CHN2: variants seen among roughly 807,000 people sequenced by gnomAD.
CHN2 encodes chimerin 2, also known as beta-chimaerin.
Under a neutral mutation model 56.3 loss-of-function variants are expected in CHN2, and 35 were observed. The ratio of observed to expected loss-of-function variants is 0.62; its 90% CI spans 0.47 to 0.82. The LOEUF (loss-of-function observed/expected upper bound fraction) is 0.82, where lower values mean the gene tolerates loss of function less well. Among genes scored for constraint, CHN2 ranks in the 40% least tolerant of loss-of-function variants. The pLI, the probability that CHN2 is intolerant of heterozygous loss-of-function variation, is 0.00. For missense variants in CHN2, 491 were observed against 580.5 expected (o/e 0.85, Z 1.58); for synonymous variants, 210 against 212.8 (o/e 0.99, Z 0.12).
At chr7:29,485,511 G>T (rs1490913017) in intron 7 of CHN2, among the ~76,000 whole-genome samples, 1 of 152,210 alleles carries the variant, frequency 6.6e-6, no homozygotes, top group Non-Finnish European at 1.5e-5. Context: ...GTAAGAGACA[G>T]TGTGGTTGTT....
intron 1 of CHN2, among the ~76,000 whole-genome samples, chr7:29,283,389 C>A (rs1323102203): frequency 6.6e-6 from 1 of 152,132 alleles, no homozygotes; most frequent in Non-Finnish European, 1.5e-5. Context: ...AGTTTCCCCT[C>A]GGTTGGTATA....
At chr7:29,500,108 C>T (rs1348487822) in intron 9 of CHN2, 68 bp downstream of exon 9, 5 of 1,262,606 alleles carry the variant, frequency 4.0e-6, no homozygotes, top group Non-Finnish European at 5.3e-6. Context: ...TTACTGTTGT[C>T]AAGGAAACAG....
intron 6 of CHN2, among the ~76,000 whole-genome samples, chr7:29,423,504 C>A (rs1804547303): frequency 6.6e-6 from 1 of 152,228 alleles, no homozygotes; most frequent in Non-Finnish European, 1.5e-5. Flanking sequence ...TGCCATACCT[C>A]CCCCTGCCCA....
chr7:29,223,026 C>T (rs929203196), intron 1 of CHN2, among the ~76,000 whole-genome samples: 1 of 152,038 alleles, frequency 6.6e-6, no homozygotes, highest in Admixed American at 6.6e-5. Flanking sequence ...ACACTCAACC[C>T]AATTAAAATT....
At chr7:29,432,751 G>A (rs17157974) in intron 6 of CHN2, among the ~76,000 whole-genome samples, 3,955 of 152,228 alleles carry the variant, frequency 0.026, 51 homozygotes, top group South Asian at 0.056. Flanking sequence ...CTAGCTATGC[G>A]TCACGGGTAA....
rs544685759 is a variant in CHN2 at position 29,216,402 on chromosome 7, G to C, written c.49+21412G>C. 5.9e-5 allele frequency among the ~76,000 whole-genome samples: 9 copies of C among 152,238 alleles called. No individual in the cohort carries two copies. In the South Asian group the frequency reaches 1.9e-3, roughly 32 times the overall value. ...TATCAAGTGCTGTCTCTTCCTAATGGGCAAGTGTGCCCATTTTGAAACCCA... is the reference window on the plus strand; with the variant it reads ...TATCAAGTGCTGTCTCTTCCTAATGCGCAAGTGTGCCCATTTTGAAACCCA... On this transcript the variant is annotated intron_variant, in intron 1 of 12. Coordinates refer to ENST00000222792, the MANE Select transcript of CHN2 (RefSeq NM_004067.4).
chr7:29,246,071 A>G (rs1189685897), intron 1 of CHN2, among the ~76,000 whole-genome samples: 1 of 152,208 alleles, frequency 6.6e-6, no homozygotes, highest in African/African-American at 2.4e-5. Flanking sequence ...GCAAACATCC[A>G]TAGAGCACTT....
At chr7:29,423,765 C>T (rs1402624056) in intron 6 of CHN2, among the ~76,000 whole-genome samples, 1 of 152,234 alleles carries the variant, frequency 6.6e-6, no homozygotes, top group Non-Finnish European at 1.5e-5. Context: ...TCCCCCTGGG[C>T]TTACGTCTCC....
At chr7:29,296,138 C>T (rs1035272008) in intron 1 of CHN2, among the ~76,000 whole-genome samples, 4 of 150,842 alleles carry the variant, frequency 2.7e-5, no homozygotes, top group African/African-American at 9.8e-5. Flanking sequence ...GGCTGGAGTG[C>T]AGTGGCGTGA....
At chr7:29,454,668 T>C (rs998870824) in intron 6 of CHN2, among the ~76,000 whole-genome samples, 3 of 152,192 alleles carry the variant, frequency 2.0e-5, no homozygotes, top group African/African-American at 7.2e-5. Context: ...GTGACCCTGC[T>C]GCTTCTGCCC....
Position 29,223,903 on chromosome 7 carries a change from G to C in CHN2, c.49+28913G>C, listed in dbSNP as rs138279460. On this transcript the variant is annotated intron_variant, in intron 1 of 12. Transcript: ENST00000222792. Reference sequence around the variant, plus strand: ...AGTGAACAAAAATTTTAGTTGCGATGTATTGACACCATACCCATGCACCAT... The same window carrying C: ...AGTGAACAAAAATTTTAGTTGCGATCTATTGACACCATACCCATGCACCAT... 1.5e-3 allele frequency among the ~76,000 whole-genome samples: 233 copies of C among 152,268 alleles called. 1 individual carries two copies. Among genetic ancestry groups the C allele is most frequent in the African/African-American group, 5.2e-3 (218 of 41,558 alleles).
At chr7:29,472,378 G>C (rs1786176582) in intron 6 of CHN2, among the ~76,000 whole-genome samples, 1 of 148,922 alleles carries the variant, frequency 6.7e-6, no homozygotes, top group African/African-American at 2.4e-5. Flanking sequence ...AAGTATTTTA[G>C]TGTGACCCAC....
chr7:29,503,666 G>T (rs575694280), intron 9 of CHN2, among the ~76,000 whole-genome samples: 1 of 152,304 alleles, frequency 6.6e-6, no homozygotes, highest in Non-Finnish European at 1.5e-5. Flanking sequence ...CCACGTATTT[G>T]TTGTCTCTGA....
At chr7:29,155,927 T>C (rs1428139991) in intron 2 of CHN2, among the ~76,000 whole-genome samples, 1 of 152,214 alleles carries the variant, frequency 6.6e-6, no homozygotes, top group Non-Finnish European at 1.5e-5. Context: ...CCTGAGCCGA[T>C]AGATCTAGAG....
At chr7:29,466,940 C>T (rs1387383716) in intron 6 of CHN2, among the ~76,000 whole-genome samples, 1 of 152,078 alleles carries the variant, frequency 6.6e-6, no homozygotes, top group Non-Finnish European at 1.5e-5. Flanking sequence ...AAAAGGTAGA[C>T]ATTGGTCTGT....
rs540578431 is a variant in CHN2 at position 29,413,147 on chromosome 7, C to T, written c.576+12319C>T. 4.6e-5 allele frequency among the ~76,000 whole-genome samples: 7 copies of T among 152,244 alleles called. No individual in the cohort carries two copies. In the East Asian group the frequency reaches 5.8e-4, roughly 13 times the overall value. ...TTATACACAATCACTTTGAAGTTCCCGCAAAGTTAATATTTCACTTTGTTC... is the reference window on the plus strand; with the variant it reads ...TTATACACAATCACTTTGAAGTTCCTGCAAAGTTAATATTTCACTTTGTTC... On this transcript the variant is annotated intron_variant, in intron 6 of 12. Transcript: ENST00000222792.
intron 1 of CHN2, among the ~76,000 whole-genome samples, chr7:29,216,535 G>A (rs186021056): frequency 2.4e-4 from 37 of 152,164 alleles, no homozygotes; most frequent in East Asian, 1.9e-4. Context: ...TTATCATTCC[G>A]CCAAGGTTTT....
At position 29,210,783 on chromosome 7, in the gene CHN2, T is replaced by C. The variant is rs1175429763; in HGVS notation, c.49+15793T>C. 2.6e-5 allele frequency among the ~76,000 whole-genome samples: 4 copies of C among 152,068 alleles called. No individual in the cohort carries two copies. The East Asian group carries it at 7.7e-4, about 29-fold the overall frequency. On this transcript the variant is annotated intron_variant, in intron 1 of 12. Coordinates refer to ENST00000222792, the MANE Select transcript of CHN2 (RefSeq NM_004067.4). ...GCTTTACTGAGAAGGTGACACTTGATGGTGAGGGAGCCAGCCATGCAGATA... is the reference window on the plus strand; with the variant it reads ...GCTTTACTGAGAAGGTGACACTTGACGGTGAGGGAGCCAGCCATGCAGATA...
chr7:29,216,474 T>C (rs1037116283), intron 1 of CHN2, among the ~76,000 whole-genome samples: 11 of 152,226 alleles, frequency 7.2e-5, no homozygotes, highest in South Asian at 4.1e-4. Flanking sequence ...GTGGAAATGT[T>C]CAAATAAGAT....
Sources: gnomAD v4.1 joint callset for allele counts (sites outside exome capture counted in the v4.1 genomes callset) on GRCh38, gnomAD v4.1.1 for gene constraint, MANE v1.5 for transcripts, NCBI Gene and HGNC (gene_info 2026-07-23, HGNC 2026-07-21) for gene names.